ZNF804B: variants seen among roughly 807,000 people sequenced by gnomAD.
ZNF804B encodes zinc finger 804B.
Under a neutral mutation model 101.4 loss-of-function variants are expected in ZNF804B, and 80 were observed. That is an observed-to-expected ratio of 0.79 (90% CI 0.66 to 0.95). The LOEUF (loss-of-function observed/expected upper bound fraction) is 0.95, where lower values mean the gene tolerates loss of function less well. ZNF804B is among the 40% of genes least tolerant of loss of function. The probability of loss-of-function intolerance (pLI) is 0.00; values close to 1 mark genes in which losing one functional copy is unlikely to be tolerated. For synonymous variants in ZNF804B, 622 were observed against 558.8 expected, an observed-to-expected ratio of 1.11 and a Z score of -1.59; for missense variants, 1,673 against 1,561.9, an observed-to-expected ratio of 1.07 and a Z score of -1.20.
intron 1 of ZNF804B, among the ~76,000 whole-genome samples, chr7:89,197,615 G>C (rs1332591446): frequency 1.3e-5 from 2 of 151,654 alleles, no homozygotes; most frequent in African/African-American, 4.8e-5. Flanking sequence ...AAGCACTTTT[G>C]AAATTTTAAT....
intron 3 of ZNF804B, 28 bp from the exon 4 acceptor site, chr7:89,333,335 A>C: frequency 6.6e-7 from 1 of 1,512,750 alleles, no homozygotes; most frequent in Non-Finnish European, 8.8e-7. Context: ...TAATCTCTTA[A>C]TCATTTAAAT....
intron 1 of ZNF804B, among the ~76,000 whole-genome samples, chr7:89,217,664 A>G (rs759174237): frequency 1.1e-4 from 16 of 152,194 alleles, no homozygotes; most frequent in Admixed American, 2.0e-4. Flanking sequence ...TGCAGCAGGA[A>G]CTGATGCTTG....
intron 1 of ZNF804B, among the ~76,000 whole-genome samples, chr7:89,190,375 G>A (rs930729883): frequency 1.3e-5 from 2 of 151,272 alleles, no homozygotes; most frequent in South Asian, 2.1e-4. Flanking sequence ...ATTAAAATAG[G>A]GGCCTGAAGA....
intron 1 of ZNF804B, among the ~76,000 whole-genome samples, chr7:88,885,570 G>C (rs1792113265): frequency 6.7e-6 from 1 of 150,350 alleles, no homozygotes; most frequent in Non-Finnish European, 1.5e-5. Context: ...TAAATATGCA[G>C]ATGTACAAAG....
chr7:88,935,137 A>G (rs113960169), intron 1 of ZNF804B, among the ~76,000 whole-genome samples: 1 of 151,774 alleles, frequency 6.6e-6, no homozygotes, highest in African/African-American at 2.4e-5. Flanking sequence ...AGCAACTTGG[A>G]TGGATTGGAG....
intron 1 of ZNF804B, among the ~76,000 whole-genome samples, chr7:89,176,968 G>A (rs1245174973): frequency 1.3e-5 from 2 of 151,808 alleles, no homozygotes; most frequent in African/African-American, 4.8e-5. Context: ...AATTTCTGTG[G>A]CATTAGTTGT....
At chr7:89,098,762 C>A (rs1448789579) in intron 1 of ZNF804B, among the ~76,000 whole-genome samples, 1 of 152,012 alleles carries the variant, frequency 6.6e-6, no homozygotes, top group African/African-American at 2.4e-5. Context: ...TTCCTTATTT[C>A]TTTTTAAATG....
intron 2 of ZNF804B, among the ~76,000 whole-genome samples, chr7:89,279,713 T>C (rs982048314): frequency 2.0e-5 from 3 of 152,150 alleles, no homozygotes; most frequent in Admixed American, 6.5e-5. Context: ...CACTTGATCA[T>C]GGTGGGTAAG....
chr7:88,857,257 A>T (rs557808407), intron 1 of ZNF804B, among the ~76,000 whole-genome samples: 2 of 152,296 alleles, frequency 1.3e-5, no homozygotes, highest in South Asian at 4.1e-4. Flanking sequence ...GAAATAACTA[A>T]GATCAGAGCA....
intron 1 of ZNF804B, among the ~76,000 whole-genome samples, chr7:88,938,276 C>A (rs763266541): frequency 1.3e-5 from 2 of 151,868 alleles, no homozygotes; most frequent in Non-Finnish European, 2.9e-5. Context: ...ATAATGGCTG[C>A]CCTTAGAGAA....
intron 1 of ZNF804B, among the ~76,000 whole-genome samples, chr7:89,171,357 TCCTCC>T (rs1791229532): frequency 1.0e-5 from 1 of 98,972 alleles, no homozygotes; most frequent in African/African-American, 3.6e-5. Context: ...TTCTTCTTCT[TCCTCC>T]TCTTCCTCTT....
At chr7:88,974,360 A>G (rs1793583411) in intron 1 of ZNF804B, among the ~76,000 whole-genome samples, 1 of 151,382 alleles carries the variant, frequency 6.6e-6, no homozygotes, top group Non-Finnish European at 1.5e-5. Flanking sequence ...AAAGATGTTA[A>G]GAAAGTGGAT....
chr7:89,008,098 A>G (rs944653597), intron 1 of ZNF804B, among the ~76,000 whole-genome samples: 11 of 152,126 alleles, frequency 7.2e-5, no homozygotes, highest in Non-Finnish European at 1.5e-5. Flanking sequence ...ATTGAATTAG[A>G]TAATCCCCAG....
intron 2 of ZNF804B, among the ~76,000 whole-genome samples, chr7:89,231,574 A>G (rs1009980487): frequency 1.3e-5 from 2 of 152,068 alleles, no homozygotes; most frequent in Non-Finnish European, 2.9e-5. Context: ...CTCCCAATTT[A>G]TACATATATG....
intron 1 of ZNF804B, among the ~76,000 whole-genome samples, chr7:88,946,649 A>C (rs1275435643): frequency 7.0e-6 from 1 of 143,784 alleles, no homozygotes; most frequent in Non-Finnish European, 1.5e-5. Context: ...CTCTTTTTCT[A>C]TTCTTTGGAA....
At chr7:89,125,911 C>G (rs548912940) in intron 1 of ZNF804B, among the ~76,000 whole-genome samples, 1 of 152,002 alleles carries the variant, frequency 6.6e-6, no homozygotes, top group African/African-American at 2.4e-5. Context: ...GCTACATGCT[C>G]AAGACTGTAG....
intron 2 of ZNF804B, among the ~76,000 whole-genome samples, chr7:89,225,885 AGTTTAT>A (rs1362781477): frequency 6.6e-6 from 1 of 152,148 alleles, no homozygotes; most frequent in Non-Finnish European, 1.5e-5. Context: ...TCCTAAAAGC[AGTTTAT>A]GTTGGTACAC....
intron 1 of ZNF804B, among the ~76,000 whole-genome samples, chr7:89,050,594 G>T (rs1264007127): frequency 6.6e-6 from 1 of 152,066 alleles, no homozygotes; most frequent in Non-Finnish European, 1.5e-5. Flanking sequence ...CCTTCAGATG[G>T]TTTAAATTTT....
At chr7:89,155,175 G>A (rs1052593247) in intron 1 of ZNF804B, among the ~76,000 whole-genome samples, 12 of 151,994 alleles carry the variant, frequency 7.9e-5, no homozygotes, top group Non-Finnish European at 1.3e-4. Context: ...TTTCTCTCTT[G>A]GGGTTTATAA....
Sources: gnomAD v4.1 joint callset for allele counts (sites outside exome capture counted in the v4.1 genomes callset) on GRCh38, gnomAD v4.1.1 for gene constraint, MANE v1.5 for transcripts, NCBI Gene and HGNC (gene_info 2026-07-23, HGNC 2026-07-21) for gene names.